The following VPS13A variants were observed in gnomAD, a reference collection of about 807,000 sequenced individuals.
VPS13A encodes the protein intermembrane lipid transfer protein VPS13A.
In VPS13A, 264 loss-of-function variants were observed where a neutral mutation model predicts 390.9. That is an observed-to-expected ratio of 0.68 (90% CI 0.61 to 0.75). The LOEUF is 0.75. Among genes scored for constraint, VPS13A ranks in the 30% least tolerant of loss-of-function variants. VPS13A has a pLI of 0.00. For synonymous variants in VPS13A, 1,231 were observed against 1,227.1 expected (o/e 1.00, Z -0.07); for missense variants, 3,409 against 3,733.9 (o/e 0.91, Z 2.27).
At chr9:77,382,620 A>G (rs562838538) in intron 68 of VPS13A, 2 of 1,026,742 alleles carry the variant, frequency 1.9e-6, no homozygotes, top group Non-Finnish European at 1.2e-6. Context: ...CTTATATCCA[A>G]TTACACATGA....
intron 68 of VPS13A, among the ~76,000 whole-genome samples, chr9:77,401,329 T>TGTGTGTGTG (rs1834383525): frequency 7.1e-6 from 1 of 140,432 alleles, no homozygotes; most frequent in Non-Finnish European, 1.5e-5. Context: ...TCACATGAAG[T>TGTGTGTGTG]TGTGTGTGTG....
chr9:77,205,235 C>T, intron 3 of VPS13A, 78 bp from the exon 4 acceptor site: 1 of 759,460 alleles, frequency 1.3e-6, no homozygotes, highest in Non-Finnish European at 2.1e-6. Flanking sequence ...CAATGCCTGA[C>T]AGAAAATAGA....
At chr9:77,394,785 CT>C (rs1834056178) in intron 68 of VPS13A, among the ~76,000 whole-genome samples, 1 of 152,210 alleles carries the variant, frequency 6.6e-6, no homozygotes, top group Non-Finnish European at 1.5e-5. Flanking sequence ...GCCCCTTCAC[CT>C]TGTGCTTTTA....
At chr9:77,227,366 T>C in intron 15 of VPS13A, 25 bp from the exon 16 acceptor site, 1 of 1,510,820 alleles carries the variant, frequency 6.6e-7, no homozygotes, top group Non-Finnish European at 9.2e-7. Flanking sequence ...TTTAAGAACA[T>C]AAAGCACTTC....
chr9:77,185,946 G>T (rs1428033147), intron 1 of VPS13A, among the ~76,000 whole-genome samples: 1 of 152,138 alleles, frequency 6.6e-6, no homozygotes. Flanking sequence ...GGTCAACATG[G>T]TGAAACCCCA....
At position 77,280,163 on chromosome 9, in the gene VPS13A, A is replaced by G. The variant is rs1826935476; in HGVS notation, c.2829A>G (p.Glu943=). ...FCLKCPEYLD[E]NKKPVYLVTT... ...TTTTTAAAAAATTATTTTTAGATGA[A>G]AACAAGAAACCAGTTTATTTGGTTA... Residue 943 remains glutamate (E), a synonymous_variant, in exon 27 of 72, where the codon GAA becomes GAG. Transcript: ENST00000360280. The G allele has an allele frequency of 6.2e-7, 1 of 1,607,350 alleles. No homozygotes were observed. Among genetic ancestry groups the G allele is most frequent in the African/African-American group, 1.3e-5 (1 of 74,740 alleles).
Position 77,347,612 on chromosome 9 carries a change from G to C in VPS13A, c.7289+2470G>C, listed in dbSNP as rs1426865317. Among the ~76,000 whole-genome samples the C allele has an allele frequency of 2.0e-5, 3 of 151,992 alleles. No homozygotes were observed. In the East Asian group the frequency reaches 5.8e-4, roughly 29 times the overall value. On this transcript the variant is annotated intron_variant, in intron 52 of 71. Transcript: ENST00000360280. ...ATGCCTCAGCCTTCCAAGTAGCTGG[G>C]TTTACAGGCATGTGCCACCATGCCT... is the stretch of plus-strand genomic sequence containing the variant.
At chr9:77,366,682 A>G (rs1216673324) in intron 60 of VPS13A, 45 bp from the exon 61 acceptor site, 3 of 1,517,750 alleles carry the variant, frequency 2.0e-6, no homozygotes, top group South Asian at 2.4e-5. Context: ...AAAATTGTCA[A>G]TATGAAGAAA....
intron 23 of VPS13A, among the ~76,000 whole-genome samples, chr9:77,262,754 G>A (rs562011194): frequency 1.1e-4 from 16 of 152,246 alleles, no homozygotes; most frequent in South Asian, 2.1e-4. Context: ...CCTTGCAAAG[G>A]ACATGAACTC....
chr9:77,256,051 G>A (rs1262952960), intron 22 of VPS13A, among the ~76,000 whole-genome samples: 1 of 151,570 alleles, frequency 6.6e-6, no homozygotes, highest in African/African-American at 2.4e-5. Context: ...TTAGTTTGCT[G>A]TTCTTTTTCT....
At chr9:77,289,388 A>G (rs772823899) in intron 31 of VPS13A, among the ~76,000 whole-genome samples, 14 of 151,868 alleles carry the variant, frequency 9.2e-5, no homozygotes, top group Non-Finnish European at 1.9e-4. Context: ...CTGTTCTCTA[A>G]TTTTGTTTAT....
chr9:77,276,993 G>A (rs2131334653), intron 26 of VPS13A, among the ~76,000 whole-genome samples: 1 of 152,248 alleles, frequency 6.6e-6, no homozygotes, highest in East Asian at 1.9e-4. Flanking sequence ...TAGAGCGTAG[G>A]TATCTTTGTT....
intron 53 of VPS13A, among the ~76,000 whole-genome samples, chr9:77,352,997 A>G (rs554747652): frequency 2.0e-5 from 3 of 152,218 alleles, no homozygotes; most frequent in African/African-American, 7.2e-5. Flanking sequence ...GAGATACAAG[A>G]TATTTTTTAT....
chr9:77,404,060 A>C (rs1436904551), intron 69 of VPS13A, among the ~76,000 whole-genome samples: 1 of 152,226 alleles, frequency 6.6e-6, no homozygotes, highest in Non-Finnish European at 1.5e-5. Context: ...TTCTGAATCT[A>C]AAATGTATAG....
intron 59 of VPS13A, among the ~76,000 whole-genome samples, chr9:77,362,928 A>G (rs918576695): frequency 6.6e-6 from 1 of 152,140 alleles, no homozygotes; most frequent in African/African-American, 2.4e-5. Context: ...TTGCTACTGT[A>G]TAAAAATGCA....
chr9:77,367,046 C>G (rs998519053), intron 61 of VPS13A, among the ~76,000 whole-genome samples, 174 bp downstream of exon 61: 2 of 152,022 alleles, frequency 1.3e-5, no homozygotes, highest in African/African-American at 4.8e-5. Context: ...TTTGCTAACC[C>G]CTAATTGCTA....
intron 22 of VPS13A, among the ~76,000 whole-genome samples, chr9:77,259,711 A>G (rs1329415294): frequency 6.6e-6 from 1 of 152,206 alleles, no homozygotes; most frequent in African/African-American, 2.4e-5. Context: ...GGAAGCATGT[A>G]CATATAGGAA....
At chr9:77,408,842 C>G (rs1185224451) in intron 71 of VPS13A, among the ~76,000 whole-genome samples, 1 of 152,232 alleles carries the variant, frequency 6.6e-6, no homozygotes, top group African/African-American at 2.4e-5. Flanking sequence ...GGAGGCCTGC[C>G]TGCCTCTGTA....
intron 19 of VPS13A, among the ~76,000 whole-genome samples, chr9:77,238,959 A>T (rs542484267): frequency 7.9e-5 from 12 of 151,892 alleles, no homozygotes; most frequent in South Asian, 2.1e-4. Context: ...GTATGATATT[A>T]AAAAAAATGT....
Sources: gnomAD v4.1 joint callset for allele counts (sites outside exome capture counted in the v4.1 genomes callset) on GRCh38, gnomAD v4.1.1 for gene constraint, MANE v1.5 for transcripts, NCBI Gene and HGNC (gene_info 2026-07-23, HGNC 2026-07-21) for gene names.